URB1: variants seen among roughly 807,000 people sequenced by gnomAD.
The protein encoded by URB1 is URB1 ribosome biogenesis factor, also known as nucleolar pre-ribosomal-associated protein 1.
In URB1, 197 loss-of-function variants were observed where a neutral mutation model predicts 242.3. The ratio of observed to expected loss-of-function variants is 0.81; its 90% CI spans 0.72 to 0.91. URB1 has a LOEUF of 0.91. URB1 is among the 40% of genes least tolerant of loss of function. URB1 has a pLI of 0.00. For missense variants in URB1, 2,721 were observed against 2,860.5 expected (o/e 0.95, Z 1.11); for synonymous variants, 1,153 against 1,201.8 (o/e 0.96, Z 0.84).
At chr21:32,364,993 C>T (rs2033329656) in intron 10 of URB1, among the ~76,000 whole-genome samples, 2 of 152,382 alleles carry the variant, frequency 1.3e-5, no homozygotes, top group Admixed American at 1.3e-4. Flanking sequence ...TCCTCTGAGA[C>T]TCCTTCCTTG....
chr21:32,312,443 T>C lies in URB1; in HGVS notation c.*2475A>G. The C allele has an allele frequency of 9.0e-6, 5 of 554,862 alleles. No homozygotes were observed. The highest frequency in any genetic ancestry group is 1.3e-5 in the Non-Finnish European group (5 of 393,056). The allele number at this position is 554,862 out of a possible 1,614,324, so 34.4% of individuals were successfully genotyped here. On this transcript the variant is annotated 3_prime_UTR_variant, in exon 39 of 39. Transcript: ENST00000382751. ...TAACACCCGCCGGCTCCCCCAGATG[T>C]GATGGCATCTGCCCTGCCAGGTCAG...
In URB1 at chr21:32,384,378, A is replaced by C; in HGVS notation, c.369T>G (p.Ile123Met). ...TGTGGTTGTTCATCAGCTTTTTCAC[A>C]ATGTTGGTTCCCACAACATGGAAAT... ...LSHFHVVGTNIVKKLMNNHMK... is the reference protein window; with the variant it reads ...LSHFHVVGTNMVKKLMNNHMK... Residue 123 changes from isoleucine to methionine, a missense_variant, in exon 3 of 39, where the codon ATT (isoleucine) becomes ATG (methionine). Physicochemically the swap from Ile to Met is conservative, Grantham distance 10. Coordinates refer to ENST00000382751, the MANE Select transcript of URB1 (RefSeq NM_014825.3). The C allele has an allele frequency of 6.4e-7, 1 of 1,552,280 alleles. No individual in the cohort carries two copies. Among genetic ancestry groups the C allele is most frequent in the Non-Finnish European group, 8.7e-7 (1 of 1,147,104 alleles).
chr21:32,378,878 C>G (rs1431617063), intron 4 of URB1, among the ~76,000 whole-genome samples: 1 of 152,118 alleles, frequency 6.6e-6, no homozygotes, highest in African/African-American at 2.4e-5. Flanking sequence ...TAGAGCAAGA[C>G]TCTCAGCCTG....
Position 32,363,290 on chromosome 21 carries a change from T to C in URB1, c.1375A>G (p.Ile459Val). The change falls in exon 11 of 39, where the codon ATT becomes GTT. Residue 459 changes from isoleucine to valine, a missense_variant. By Grantham distance (29) the Ile-to-Val change is conservative (BLOSUM62 3). Coordinates refer to ENST00000382751, the MANE Select transcript of URB1 (RefSeq NM_014825.3). ...AATGCCCTCTTCAAAATGACAGAAA[T>C]AAGGGATAAGGCTGTGTGCCTCACT... ...TSVRHTALSLISVILKRALKT... is the reference protein window; with the variant it reads ...TSVRHTALSLVSVILKRALKT... 1 of 1,551,644 alleles carries C rather than the reference T, an allele frequency of 6.4e-7. No homozygotes were observed. Among genetic ancestry groups the C allele is most frequent in the East Asian group, 2.4e-5 (1 of 40,914 alleles).
Position 32,338,752 on chromosome 21 carries a change from G to A in URB1, c.4465C>T (p.Leu1489=), listed in dbSNP as rs1047045277. 101 of 1,551,572 alleles carry A rather than the reference G, an allele frequency of 6.5e-5. 1 individual carries two copies. In the Admixed American group the frequency reaches 1.9e-3, roughly 29 times the overall value. ...LMQHSLFLPT[L]LTSDGEESPD... ...CTCTCCTCTCCGTCAGACGTCAGTA[G>A]AGTCGGCAGAAACAGCGAGTGCTGC... Residue 1489 remains leucine (L), a synonymous_variant, in exon 26 of 39, where the codon CTA becomes TTA. Coordinates refer to ENST00000382751, the MANE Select transcript of URB1 (RefSeq NM_014825.3).
At position 32,347,759 on chromosome 21, in the gene URB1, C is replaced by T; in HGVS notation, c.3065G>A (p.Trp1022Ter). The stretch of plus-strand genomic sequence containing the variant: ...GGCCTGCTGCTCCAGGGCCAGGAAC[C>T]AGCCCTCCAGGGTGGGGTGCCTGAG... ...AILRHPTLEG[W>*]FLALEQQALP... Residue 1022 changes from tryptophan to a stop codon, truncating the protein, a stop_gained, in exon 22 of 39, where the codon TGG becomes TAG. Coordinates refer to ENST00000382751, the MANE Select transcript of URB1 (RefSeq NM_014825.3). LOFTEE classifies it high-confidence loss of function. 6.5e-7 allele frequency: 1 copy of T among 1,549,096 alleles called. No homozygotes were observed. The highest frequency in any genetic ancestry group is 1.2e-5 in the South Asian group (1 of 84,050).
intron 8 of URB1, among the ~76,000 whole-genome samples, chr21:32,369,186 C>A (rs1053643295): frequency 6.6e-6 from 1 of 151,920 alleles, no homozygotes; most frequent in Non-Finnish European, 1.5e-5. Context: ...CATAGTGAAA[C>A]CCTATCTCTA....
At position 32,347,728 on chromosome 21, in the gene URB1, C is replaced by T. The variant is rs773718546; in HGVS notation, c.3096G>A (p.Pro1032=). The T allele has an allele frequency of 2.6e-5, 40 of 1,550,328 alleles. No homozygotes were observed. The highest frequency in any genetic ancestry group is 3.3e-4 in the Middle Eastern group (2 of 5,990). ...CGAGGACAGGGCTGAGCGTGTGCGG[C>T]GGGAGGGCCTGCTGCTCCAGGGCCA... The part of the protein sequence containing the change: ...WFLALEQQAL[P]PHTLSPVLVK... Residue 1032 remains proline, a synonymous_variant, in exon 22 of 39, where the codon CCG becomes CCA. Transcript: ENST00000382751.
intron 15 of URB1, among the ~76,000 whole-genome samples, chr21:32,356,685 T>C (rs939768724): frequency 7.2e-5 from 11 of 152,212 alleles, no homozygotes; most frequent in Non-Finnish European, 1.3e-4. Context: ...AGGACTTGAA[T>C]GTGCAGAAGT....
intron 30 of URB1, among the ~76,000 whole-genome samples, chr21:32,328,393 C>T (rs750896389): frequency 3.9e-5 from 6 of 152,214 alleles, no homozygotes; most frequent in Non-Finnish European, 8.8e-5. Flanking sequence ...TCGCCTTGGC[C>T]TCCCAAAGTG....
chr21:32,361,185 A>AAGAAAGAAAGAAAGAAAGAG, intron 12 of URB1, 62 bp from the exon 13 acceptor site: 2 of 848,024 alleles, frequency 2.4e-6, no homozygotes, highest in South Asian at 3.7e-5. Flanking sequence ...GAAAGAAAGA[A>AAGAAAGAAAGAAAGAAAGAG]AGAAAGAAAG....
In URB1 at chr21:32,353,980, G is replaced by A. The variant is rs893892090; in HGVS notation, c.2369C>T (p.Ala790Val). The change falls in exon 18 of 39, where the codon GCC (alanine) becomes GTC (valine). Residue 790 changes from alanine to valine, a missense_variant. Transcript: ENST00000382751. Reference sequence around the variant, plus strand: ...GAGCAACTTATTCCTGGCTTCCAGGGCCGCAGGGACTACCGCACTGAATGG... The same window carrying A: ...GAGCAACTTATTCCTGGCTTCCAGGACCGCAGGGACTACCGCACTGAATGG... ...TFPFSAVVPAALEARNKLLLG... is the reference protein window; with the variant it reads ...TFPFSAVVPAVLEARNKLLLG... 1.3e-6 allele frequency: 2 copies of A among 1,551,666 alleles called. No individual in the cohort carries two copies. Among genetic ancestry groups the A allele is most frequent in the Admixed American group, 3.9e-5 (2 of 50,992 alleles).
intron 32 of URB1, among the ~76,000 whole-genome samples, 162 bp downstream of exon 32, chr21:32,324,329 T>C (rs1417005576): frequency 6.6e-6 from 1 of 152,226 alleles, no homozygotes; most frequent in African/African-American, 2.4e-5. Flanking sequence ...TGTCCAGAGC[T>C]GATGGGGACT....
At position 32,337,004 on chromosome 21, in the gene URB1, G is replaced by A. The variant is rs1254575379; in HGVS notation, c.4685+90C>T. ...TCACTCTTTCCCTGAGAACCAAAAT[G>A]GAATGAGAGAAAATCTCGAGTCTGG... On this transcript the variant is annotated intron_variant, in intron 28 of 38. Transcript: ENST00000382751. The A allele has an allele frequency of 7.6e-6, 10 of 1,312,278 alleles. No individual in the cohort carries two copies. In the Admixed American group the frequency reaches 1.4e-4, roughly 18 times the overall value. The allele number at this position is 1,312,278 out of a possible 1,614,324, so 81.3% of individuals were successfully genotyped here.
At position 32,316,960 on chromosome 21, in the gene URB1, A is replaced by G; in HGVS notation, c.6140T>C (p.Leu2047Pro). Residue 2047 changes from leucine to proline, a missense_variant, in exon 38 of 39, where the codon CTG (leucine) becomes CCG (proline). By Grantham distance (98) the Leu-to-Pro change is moderately conservative (BLOSUM62 -3). Transcript: ENST00000382751. ...GEAEEMADPELMASTLETCKG... is the reference protein window; with the variant it reads ...GEAEEMADPEPMASTLETCKG... ...GCATGTCTCCAAGGTAGATGCCATC[A>G]GCTCAGGGTCAGCCATCTCCTCTGC... 6.4e-7 allele frequency: 1 copy of G among 1,551,734 alleles called. No individual in the cohort carries two copies. Among genetic ancestry groups the G allele is most frequent in the South Asian group, 1.2e-5 (1 of 84,060 alleles).
Position 32,354,035 on chromosome 21 carries a change from A to T in URB1, c.2314T>A (p.Leu772Met). The T allele has an allele frequency of 1.9e-6, 3 of 1,551,672 alleles. No individual in the cohort carries two copies. The highest frequency in any genetic ancestry group is 2.6e-6 in the Non-Finnish European group (3 of 1,146,980). ...GTGAGCAGGATCATGTCTTCACTCA[A>T]CGTGAACCCTATTTCCTCATCCAAG... ...EGLDEEIGFT[L>M]SEDMILLTFP... The change falls in exon 18 of 39, where the codon TTG (leucine) becomes ATG (methionine). Residue 772 changes from leucine (L) to methionine (M), a missense_variant. By Grantham distance (15) the Leu-to-Met change is conservative. Transcript: ENST00000382751.
intron 18 of URB1, among the ~76,000 whole-genome samples, chr21:32,353,144 AG>A (rs2033177803): frequency 1.3e-5 from 2 of 152,182 alleles, no homozygotes; most frequent in South Asian, 4.1e-4. Context: ...GTGAAGACCC[AG>A]GCATGTAAAA....
intron 26 of URB1, 69 bp downstream of exon 26, chr21:32,338,638 G>A: frequency 1.3e-6 from 2 of 1,512,174 alleles, no homozygotes; most frequent in Admixed American, 2.0e-5. Context: ...GAGCCTCAGT[G>A]CAGCCAGTGT....
intron 9 of URB1, among the ~76,000 whole-genome samples, chr21:32,367,482 C>T (rs1601149648): frequency 6.6e-6 from 1 of 152,178 alleles, no homozygotes; most frequent in African/African-American, 2.4e-5. Flanking sequence ...ATAGATAATG[C>T]CAGGCCCAGG....
Sources: gnomAD v4.1 joint callset for allele counts (sites outside exome capture counted in the v4.1 genomes callset) on GRCh38, gnomAD v4.1.1 for gene constraint, MANE v1.5 for transcripts, NCBI Gene and HGNC (gene_info 2026-07-23, HGNC 2026-07-21) for gene names.